Variants in PDIA5 observed in about 807,000 individuals in gnomAD.
PDIA5 encodes the protein protein disulfide-isomerase A5.
Under a neutral mutation model 77.6 loss-of-function variants are expected in PDIA5, and 58 were observed. The observed-to-expected ratio is 0.75, with a 90% CI of 0.61 to 0.93. The LOEUF is 0.93. Among genes scored for constraint, PDIA5 ranks in the 40% least tolerant of loss-of-function variants. PDIA5 has a pLI of 0.00. For missense variants in PDIA5, 630 were observed against 647.7 expected, an observed-to-expected ratio of 0.97 and a Z score of 0.30; for synonymous variants, 250 against 252.1, an observed-to-expected ratio of 0.99 and a Z score of 0.08.
At chr3:123,138,300 C>T (rs1001238531) in intron 11 of PDIA5, among the ~76,000 whole-genome samples, 1 of 152,080 alleles carries the variant, frequency 6.6e-6, no homozygotes, top group Non-Finnish European at 1.5e-5. Context: ...ACATAGTCCC[C>T]TTAACATTAT....
intron 11 of PDIA5, among the ~76,000 whole-genome samples, chr3:123,142,716 G>C (rs1366634958): frequency 1.3e-5 from 2 of 152,200 alleles, no homozygotes; most frequent in African/African-American, 2.4e-5. Flanking sequence ...GCAGCCTCTG[G>C]GGGGGCCGAG....
intron 13 of PDIA5, among the ~76,000 whole-genome samples, chr3:123,149,247 A>G (rs188484884): frequency 1.3e-5 from 2 of 152,340 alleles, no homozygotes; most frequent in East Asian, 3.9e-4. Context: ...ACACCTGGAA[A>G]TAAGGAGCTT....
chr3:123,151,770 GCCTGCCTGCCTGGCCTGCCTT>G (rs1935901830), intron 14 of PDIA5, among the ~76,000 whole-genome samples: 5 of 118,480 alleles, frequency 4.2e-5, no homozygotes, highest in African/African-American at 1.3e-4. Context: ...CTGCCTGCCT[GCCTGCCTGCCTGGCCTGCCTT>G]CCTGCCTGCC....
At chr3:123,097,205 C>T (rs1433061537) in intron 3 of PDIA5, among the ~76,000 whole-genome samples, 1 of 152,150 alleles carries the variant, frequency 6.6e-6, no homozygotes, top group African/African-American at 2.4e-5. Context: ...CATTACTTAC[C>T]AGGGGGTAAA....
At chr3:123,117,384 A>ATATATATATATATATATATATATATG (rs1935021841) in intron 8 of PDIA5, among the ~76,000 whole-genome samples, 1 of 132,970 alleles carries the variant, frequency 7.5e-6, no homozygotes, top group Admixed American at 7.5e-5. Context: ...TTATATATAT[A>ATATATATATATATATATATATATATG]TATATATATA....
chr3:123,098,491 C>A (rs1037749629), intron 3 of PDIA5, among the ~76,000 whole-genome samples: 1 of 152,208 alleles, frequency 6.6e-6, no homozygotes, highest in African/African-American at 2.4e-5. Context: ...CTGCAGCAGC[C>A]ACTCCCGACT....
Position 123,102,538 on chromosome 3 carries a change from T to A in PDIA5, c.341+44T>A, listed in dbSNP as rs2241961. On this transcript the variant is annotated intron_variant, in intron 4 of 16. Coordinates refer to ENST00000316218, the MANE Select transcript of PDIA5 (RefSeq NM_006810.4). Reference sequence around the variant, plus strand: ...TTCCAATTTCCAAGTAAGTGCCAAATGCTTTCATTGGTATTTTCAGCGAAC... The same window carrying A: ...TTCCAATTTCCAAGTAAGTGCCAAAAGCTTTCATTGGTATTTTCAGCGAAC... The A allele has an allele frequency of 4.0e-5, 56 of 1,415,068 alleles. 1 individual carries two copies. Among genetic ancestry groups the A allele is most frequent in the African/African-American group, 1.4e-4 (10 of 71,034 alleles). The allele number at this position is 1,415,068 out of a possible 1,614,324, so 87.7% of individuals were successfully genotyped here.
intron 11 of PDIA5, among the ~76,000 whole-genome samples, chr3:123,140,038 T>C (rs190877055): frequency 6.6e-6 from 1 of 152,174 alleles, no homozygotes; most frequent in East Asian, 1.9e-4. Context: ...GGATAGGTGG[T>C]CAGGGAGGGT....
intron 7 of PDIA5, among the ~76,000 whole-genome samples, chr3:123,112,808 C>T (rs992357435): frequency 6.6e-6 from 1 of 152,088 alleles, no homozygotes; most frequent in Admixed American, 6.6e-5. Context: ...GATCCACCCA[C>T]CTCGGCCTCC....
rs369795458 is a variant in PDIA5, at chr3:123,080,633, A to G, written c.43-8535A>G. On this transcript the variant is annotated intron_variant, in intron 1 of 16. Coordinates refer to ENST00000316218, the MANE Select transcript of PDIA5 (RefSeq NM_006810.4). ...ACAGTCTCTCTGTCTCCTTCCTTATAAATAACATATCTAAAGTTAATGCAT... is the reference window on the plus strand; with the variant it reads ...ACAGTCTCTCTGTCTCCTTCCTTATGAATAACATATCTAAAGTTAATGCAT... Among the ~76,000 whole-genome samples, 7 of 152,358 alleles carry G rather than the reference A, an allele frequency of 4.6e-5. No individual in the cohort carries two copies. The East Asian group carries it at 9.7e-4, about 21-fold the overall frequency.
chr3:123,159,698 C>T (rs1173716426), intron 15 of PDIA5, among the ~76,000 whole-genome samples: 3 of 152,194 alleles, frequency 2.0e-5, no homozygotes, highest in Non-Finnish European at 4.4e-5. Flanking sequence ...TTGCAGGCAG[C>T]AAGTTTGTAA....
At chr3:123,155,583 G>A (rs1023250615) in intron 15 of PDIA5, among the ~76,000 whole-genome samples, 4 of 152,248 alleles carry the variant, frequency 2.6e-5, no homozygotes, top group African/African-American at 9.6e-5. Context: ...GGTGCAGTGG[G>A]GGCTTCTGCT....
intron 2 of PDIA5, among the ~76,000 whole-genome samples, chr3:123,091,279 C>A (rs1001484387): frequency 1.3e-5 from 2 of 152,174 alleles, no homozygotes; most frequent in African/African-American, 4.8e-5. Flanking sequence ...CTACCATTAT[C>A]CACACTAGAA....
At chr3:123,096,040 G>T (rs1391213801) in intron 3 of PDIA5, among the ~76,000 whole-genome samples, 1 of 152,220 alleles carries the variant, frequency 6.6e-6, no homozygotes, top group African/African-American at 2.4e-5. Flanking sequence ...TTTCAGGGGG[G>T]TCTTTTTGTG....
chr3:123,075,085 T>C (rs935181753), intron 1 of PDIA5, among the ~76,000 whole-genome samples: 5 of 152,268 alleles, frequency 3.3e-5, no homozygotes, highest in African/African-American at 1.2e-4. Flanking sequence ...TGGTATCTAA[T>C]GTAGCAATCT....
intron 11 of PDIA5, among the ~76,000 whole-genome samples, chr3:123,132,931 TG>T (rs1040702105): frequency 1.2e-4 from 18 of 152,228 alleles, no homozygotes; most frequent in African/African-American, 4.1e-4. Context: ...TCTGCTGGGC[TG>T]GCAGAGTGAG....
intron 11 of PDIA5, among the ~76,000 whole-genome samples, chr3:123,135,396 C>T (rs563410602): frequency 2.6e-4 from 39 of 152,272 alleles, no homozygotes; most frequent in South Asian, 6.2e-4. Context: ...CTCTTCCTCT[C>T]CCCTGTGCTA....
chr3:123,084,425 C>A (rs1463706005), intron 1 of PDIA5, among the ~76,000 whole-genome samples: 1 of 151,938 alleles, frequency 6.6e-6, no homozygotes, highest in Non-Finnish European at 1.5e-5. Context: ...AGAAGTGTCC[C>A]CTCCCTGGTC....
intron 1 of PDIA5, among the ~76,000 whole-genome samples, chr3:123,072,622 G>T (rs1007616461): frequency 6.6e-6 from 1 of 152,214 alleles, no homozygotes; most frequent in African/African-American, 2.4e-5. Flanking sequence ...GGTAGGGGGG[G>T]TGGTGCAGAA....
Sources: gnomAD v4.1 joint callset for allele counts (sites outside exome capture counted in the v4.1 genomes callset) on GRCh38, gnomAD v4.1.1 for gene constraint, MANE v1.5 for transcripts, NCBI Gene and HGNC (gene_info 2026-07-23, HGNC 2026-07-21) for gene names.